Variants in CARD6 observed in about 807,000 individuals in gnomAD.
The protein encoded by CARD6 is caspase recruitment domain-containing protein 6.
Under a neutral mutation model 23.6 loss-of-function variants are expected in CARD6, and 27 were observed. That is an observed-to-expected ratio of 1.14 (90% CI 0.84 to 1.58). The LOEUF is 1.58. CARD6 is among the 40% of genes most tolerant of loss of function. The probability of loss-of-function intolerance (pLI) is 0.00; values close to 1 mark genes in which losing one functional copy is unlikely to be tolerated. For missense variants in CARD6, 1,214 were observed against 1,209.9 expected (o/e 1.00, Z -0.05); for synonymous variants, 397 against 431.8 (o/e 0.92, Z 1.00).
In CARD6 at chr5:40,852,553, G is replaced by A; in HGVS notation, c.1221G>A (p.Leu407=). 6.2e-7 allele frequency: 1 copy of A among 1,614,170 alleles called. No homozygotes were observed. ...NMYQCQFALP[L]LLPDAENNKS... ...ATCAGTGCCAGTTTGCTCTTCCCCT[G>A]CTACTGCCAGATGCAGAAAACAACA... Residue 407 remains leucine (L), a synonymous_variant, in exon 3 of 3, where the codon CTG becomes CTA. Coordinates refer to ENST00000254691, the MANE Select transcript of CARD6 (RefSeq NM_032587.4).
chr5:40,848,099 A>G (rs1745994965), intron 2 of CARD6, among the ~76,000 whole-genome samples: 1 of 152,066 alleles, frequency 6.6e-6, no homozygotes, highest in African/African-American at 2.4e-5. Flanking sequence ...ATTTTAAACA[A>G]ATTCATATAT....
intron 2 of CARD6, among the ~76,000 whole-genome samples, chr5:40,848,853 C>T (rs1480574361): frequency 6.6e-6 from 1 of 152,004 alleles, no homozygotes; most frequent in East Asian, 1.9e-4. Flanking sequence ...AGATTAGTTT[C>T]CTGATATTAT....
intron 2 of CARD6, among the ~76,000 whole-genome samples, chr5:40,849,432 C>T (rs1417446044): frequency 6.6e-6 from 1 of 152,160 alleles, no homozygotes; most frequent in Non-Finnish European, 1.5e-5. Context: ...TTTCTTCATG[C>T]TAGATTCAAC....
Position 40,854,511 on chromosome 5 carries a change from C to T in CARD6, c.*65C>T, listed in dbSNP as rs1160830269. ...CAGGCCATTCCTATCATATAGTAAG[C>T]AGAAGAGTTGCCATGAAAGTAAAAG... On this transcript the variant is annotated 3_prime_UTR_variant, in exon 3 of 3. Coordinates refer to ENST00000254691, the MANE Select transcript of CARD6 (RefSeq NM_032587.4). 5 of 1,298,818 alleles carry T rather than the reference C, an allele frequency of 3.8e-6. No individual in the cohort carries two copies. The highest frequency in any genetic ancestry group is 5.4e-6 in the Non-Finnish European group (5 of 923,338). The allele number at this position is 1,298,818 out of a possible 1,614,324, so 80.5% of individuals were successfully genotyped here. A position where few individuals can be genotyped will look rare whatever the true frequency, so the allele number is the denominator to read the frequency against.
chr5:40,847,200 G>A (rs992761620), intron 2 of CARD6, among the ~76,000 whole-genome samples: 8 of 152,098 alleles, frequency 5.3e-5, no homozygotes, highest in Admixed American at 1.3e-4. Context: ...GCTGAGAAAT[G>A]AAAAAAATAG....
chr5:40,855,200 G>A lies in CARD6; in HGVS notation c.*754G>A, dbSNP rs950384749. 34 of 152,314 alleles carry A rather than the reference G, an allele frequency of 2.2e-4. No homozygotes were observed. Among genetic ancestry groups the A allele is most frequent in the Admixed American group, 2.2e-3 (34 of 15,274 alleles). The allele number at this position is 152,314 out of a possible 1,614,324, so 9.4% of individuals were successfully genotyped here. ...GTCAAAAGCTTCTGGTTCAATATCA[G>A]CCACTGAGCAGATAACCCTGCTTAT... On this transcript the variant is annotated 3_prime_UTR_variant, in exon 3 of 3. Coordinates refer to ENST00000254691, the MANE Select transcript of CARD6 (RefSeq NM_032587.4).
Position 40,853,555 on chromosome 5 carries a change from C to T in CARD6, c.2223C>T (p.Asn741=), listed in dbSNP as rs1376902180. 3 of 1,614,096 alleles carry T rather than the reference C, an allele frequency of 1.9e-6. No individual in the cohort carries two copies. The highest frequency in any genetic ancestry group is 1.3e-5 in the African/African-American group (1 of 74,944). Reference sequence around the variant, plus strand: ...TCTTTCCAACCAGAATTGGAGGTAACTTTAACCATGTTTCCTTGAAAGCCT... The same window carrying T: ...TCTTTCCAACCAGAATTGGAGGTAATTTTAACCATGTTTCCTTGAAAGCCT... ...SWLFPTRIGG[N]FNHVSLKASW... Residue 741 remains asparagine, a synonymous_variant, in exon 3 of 3, where the codon AAC becomes AAT. Coordinates refer to ENST00000254691, the MANE Select transcript of CARD6 (RefSeq NM_032587.4).
Position 40,852,861 on chromosome 5 carries a change from G to A in CARD6, c.1529G>A (p.Cys510Tyr), listed in dbSNP as rs1445977093. 6.2e-7 allele frequency: 1 copy of A among 1,613,974 alleles called. No homozygotes were observed. ...GATGGCCTGGTTGAGATAACATGGT[G>A]TTTTCCTGATAGCGATGATAGAAAG... ...ISDGLVEITW[C>Y]FPDSDDRKEN... The change falls in exon 3 of 3, where the codon TGT becomes TAT. Residue 510 changes from cysteine to tyrosine, a missense_variant. Cys to Tyr is a radical substitution (Grantham distance 194). Transcript: ENST00000254691.
rs745980833 is a variant in CARD6, at chr5:40,843,410, A to C, written c.542A>C (p.Glu181Ala). The change falls in exon 2 of 3, where the codon GAG (glutamate) becomes GCG (alanine). Residue 181 changes from glutamate (E) to alanine (A), a missense_variant. Glu to Ala is a moderately radical substitution (Grantham distance 107). Transcript: ENST00000254691. ...TPEVTLSYSV[E>A]KVGCEVPATI... ...GAAGTCACATTATCATATTCAGTTG[A>C]GAAAGTTGGATGTGAAGTTCCAGCA... 13 of 1,614,134 alleles carry C rather than the reference A, an allele frequency of 8.1e-6. No homozygotes were observed. Among genetic ancestry groups the C allele is most frequent in the Non-Finnish European group, 1.1e-5 (13 of 1,180,002 alleles).
At position 40,854,102 on chromosome 5, in the gene CARD6, G is replaced by C. The variant is rs368051456; in HGVS notation, c.2770G>C (p.Ala924Pro). 14 of 1,614,186 alleles carry C rather than the reference G, an allele frequency of 8.7e-6. No individual in the cohort carries two copies. Among genetic ancestry groups the C allele is most frequent in the East Asian group, 6.7e-5 (3 of 44,890 alleles). Reference protein sequence around the residue: ...QGVQMKTQGGASNPALQIGSH... With the variant: ...QGVQMKTQGGPSNPALQIGSH... ...AGTCCAGATGAAGACACAAGGTGGG[G>C]CTTCAAATCCAGCTCTCCAAATAGG... Residue 924 changes from alanine (A) to proline (P), a missense_variant, in exon 3 of 3, where the codon GCT (alanine) becomes CCT (proline). Ala to Pro is a conservative substitution (Grantham distance 27). Coordinates refer to ENST00000254691, the MANE Select transcript of CARD6 (RefSeq NM_032587.4).
rs202214803 is a variant in CARD6, at chr5:40,853,937, C to G, written c.2605C>G (p.Gln869Glu). Residue 869 changes from glutamine to glutamate, a missense_variant, in exon 3 of 3, where the codon CAG becomes GAG. Coordinates refer to ENST00000254691, the MANE Select transcript of CARD6 (RefSeq NM_032587.4). ...PARAVGKPWP[Q>E]QACTRVTELT... Reference sequence around the variant, plus strand: ...AAGAGCAGTAGGGAAGCCATGGCCTCAGCAAGCTTGCACCAGGGTAACAGA... The same window carrying G: ...AAGAGCAGTAGGGAAGCCATGGCCTGAGCAAGCTTGCACCAGGGTAACAGA... 3.1e-6 allele frequency: 5 copies of G among 1,614,068 alleles called. No individual in the cohort carries two copies. Among genetic ancestry groups the G allele is most frequent in the South Asian group, 1.1e-5 (1 of 91,090 alleles).
chr5:40,843,865 C>T (rs1745921499), intron 2 of CARD6, among the ~76,000 whole-genome samples, 156 bp downstream of exon 2: 2 of 152,116 alleles, frequency 1.3e-5, no homozygotes, highest in African/African-American at 2.4e-5. Context: ...GGAATCTCCT[C>T]GAGGTAGGTG....
rs754692444 is a variant in CARD6, at chr5:40,843,211, G to A, written c.343G>A (p.Glu115Lys). Residue 115 changes from glutamate to lysine, a missense_variant, in exon 2 of 3, where the codon GAA becomes AAA. By Grantham distance (56) the Glu-to-Lys change is moderately conservative (BLOSUM62 1). Transcript: ENST00000254691. ...PQSMGASSNS[E>K]DAFSPGIKQP... is the part of the protein sequence containing the mutation. ...ATCTATGGGGGCAAGCAGTAATTCA[G>A]AAGATGCTTTTTCTCCTGGAATAAA... is the stretch of plus-strand genomic sequence containing the variant. 1.9e-6 allele frequency: 3 copies of A among 1,613,726 alleles called. No homozygotes were observed. The East Asian group carries it at 6.7e-5, about 36-fold the overall frequency.
Position 40,854,413 on chromosome 5 carries a change from A to C in CARD6, c.3081A>C (p.Ser1027=). The change falls in exon 3 of 3, where the codon TCA becomes TCC. Residue 1027 remains serine (S), a synonymous_variant. Coordinates refer to ENST00000254691, the MANE Select transcript of CARD6 (RefSeq NM_032587.4). ...TNPSQAKAHH[S]KAGQKRGGKH is the part of the protein sequence containing the mutation. ...CTTCACAAGCTAAGGCACACCACTC[A>C]AAAGCAGGGCAGAAGAGGGGAGGGA... 3 of 1,614,080 alleles carry C rather than the reference A, an allele frequency of 1.9e-6. No homozygotes were observed. Among genetic ancestry groups the C allele is most frequent in the Non-Finnish European group, 2.5e-6 (3 of 1,179,946 alleles).
At position 40,853,832 on chromosome 5, in the gene CARD6, C is replaced by A. The variant is rs760950270; in HGVS notation, c.2500C>A (p.Gln834Lys). 1 of 1,614,170 alleles carries A rather than the reference C, an allele frequency of 6.2e-7. No individual in the cohort carries two copies. The highest frequency in any genetic ancestry group is 1.1e-5 in the South Asian group (1 of 91,084). Residue 834 changes from glutamine (Q) to lysine (K), a missense_variant, in exon 3 of 3, where the codon CAA (glutamine) becomes AAA (lysine). By Grantham distance (53) the Gln-to-Lys change is moderately conservative. Transcript: ENST00000254691. ...TGTACAGGCCTGCCCTGAGAGACCA[C>A]AAATGATGGGAACTCTTGAAAGGTC... ...QHVQACPERP[Q>K]MMGTLERSRA...
Position 40,853,238 on chromosome 5 carries a change from T to C in CARD6, c.1906T>C (p.Ser636Pro), listed in dbSNP as rs1436903591. The change falls in exon 3 of 3, where the codon TCT (serine) becomes CCT (proline). Residue 636 changes from serine (S) to proline (P), a missense_variant. Transcript: ENST00000254691. Reference protein sequence around the residue: ...QAALQEVMFSSCLRCVSVEDM... With the variant: ...QAALQEVMFSPCLRCVSVEDM... ...TGCCCTCCAGGAAGTGATGTTCTCT[T>C]CTTGCCTCAGATGTGTGTCTGTGGA... is the stretch of plus-strand genomic sequence containing the variant. 1 of 1,614,032 alleles carries C rather than the reference T, an allele frequency of 6.2e-7. No individual in the cohort carries two copies. The highest frequency in any genetic ancestry group is 8.5e-7 in the Non-Finnish European group (1 of 1,180,020).
At position 40,854,675 on chromosome 5, in the gene CARD6, C is replaced by G. The variant is rs1251097925; in HGVS notation, c.*229C>G. The stretch of plus-strand genomic sequence containing the variant: ...GCACGATCTCGGCTCACCGCAACCT[C>G]TGCTTCCTGGCTTAAAGTGATTCTC... On this transcript the variant is annotated 3_prime_UTR_variant, in exon 3 of 3. Transcript: ENST00000254691. The G allele has an allele frequency of 2.1e-6, 1 of 477,406 alleles. No individual in the cohort carries two copies. The highest frequency in any genetic ancestry group is 1.9e-5 in the African/African-American group (1 of 51,556). The allele number at this position is 477,406 out of a possible 1,614,324, so 29.6% of individuals were successfully genotyped here. A position where few individuals can be genotyped will look rare whatever the true frequency, so the allele number is the denominator to read the frequency against.
At chr5:40,850,088 C>T (rs1746030994) in intron 2 of CARD6, among the ~76,000 whole-genome samples, 1 of 151,904 alleles carries the variant, frequency 6.6e-6, no homozygotes, top group African/African-American at 2.4e-5. Flanking sequence ...ATCTTCAGTT[C>T]CTGTAAACTT....
Position 40,841,420 on chromosome 5 carries a change from GAGAA to G in CARD6, c.44_47del (p.Arg15LysfsTer15), listed in dbSNP as rs1297757748. The stretch of plus-strand genomic sequence containing the variant: ...AGTACTCCCTCAGAGATCATAGAAA[GAGAA>G]AGAAAAAAGTTGCTTGAAATCCTTC... On this transcript the variant is annotated frameshift_variant, in exon 1 of 3. Coordinates refer to ENST00000254691, the MANE Select transcript of CARD6 (RefSeq NM_032587.4). LOFTEE classifies it high-confidence loss of function. 5.0e-6 allele frequency: 8 copies of G among 1,612,282 alleles called. No homozygotes were observed. Among genetic ancestry groups the G allele is most frequent in the Non-Finnish European group, 6.8e-6 (8 of 1,179,456 alleles).
Sources: allele counts gnomAD v4.1 joint callset (sites outside exome capture counted in the v4.1 genomes callset), GRCh38; gene constraint gnomAD v4.1.1; transcripts MANE v1.5; gene names NCBI Gene and HGNC (gene_info 2026-07-23, HGNC 2026-07-21).